Variants in XRCC4 observed in about 807,000 individuals in gnomAD.
The protein encoded by XRCC4 is DNA repair protein XRCC4.
XRCC4 carries 28 observed loss-of-function variants against 39.1 expected under a neutral mutation model. The observed-to-expected ratio is 0.72, with a 90% CI of 0.53 to 0.98. XRCC4 has a LOEUF of 0.98. XRCC4 is among the 50% of genes least tolerant of loss of function. XRCC4 has a pLI of 0.00. For missense variants in XRCC4, 350 were observed against 376.4 expected (o/e 0.93, Z 0.58); for synonymous variants, 123 against 126.4 (o/e 0.97, Z 0.18).
At chr5:83,315,696 G>T (rs1425963718) in intron 7 of XRCC4, among the ~76,000 whole-genome samples, 1 of 152,132 alleles carries the variant, frequency 6.6e-6, no homozygotes, top group African/African-American at 2.4e-5. Flanking sequence ...CCTGATTATA[G>T]CATGATTTAC....
At chr5:83,205,649 G>C (rs1751392057) in intron 6 of XRCC4, among the ~76,000 whole-genome samples, 1 of 152,018 alleles carries the variant, frequency 6.6e-6, no homozygotes, top group African/African-American at 2.4e-5. Flanking sequence ...TTATGTACTA[G>C]AAACTTTGCT....
At chr5:83,260,908 C>T (rs1303834383) in intron 7 of XRCC4, among the ~76,000 whole-genome samples, 2 of 151,978 alleles carry the variant, frequency 1.3e-5, no homozygotes, top group African/African-American at 4.8e-5. Context: ...ATGAAAACAC[C>T]TGTTAGATGT....
rs1467369626 is a variant in XRCC4, at chr5:83,318,480, T to TTAAGCTGA, written c.894-34645_894-34638dup. ...CCCATCGTCTCAGCCCAAAATCTCC[T>TTAAGCTGA]TAAGCTGATAAGCAACTTCAGCAAA... On this transcript the variant is annotated intron_variant, in intron 7 of 7. Coordinates refer to ENST00000396027, the MANE Select transcript of XRCC4 (RefSeq NM_003401.5). Among the ~76,000 whole-genome samples, 49 of 76,020 alleles carry TTAAGCTGA rather than the reference T, an allele frequency of 6.4e-4. 1 individual carries two copies. Among genetic ancestry groups the TTAAGCTGA allele is most frequent in the African/African-American group, 3.5e-3 (44 of 12,418 alleles). The allele number at this position is 76,020 out of a possible 152,430, so 49.9% of individuals were successfully genotyped here.
chr5:83,116,608 CTTTTTTTTTTTTTTTTTT>C (rs559079642), intron 3 of XRCC4, among the ~76,000 whole-genome samples: 2 of 103,196 alleles, frequency 1.9e-5, no homozygotes, highest in Non-Finnish European at 3.8e-5. Flanking sequence ...TTCTCTCTCT[CTTTTTTTTTTTTTTTTTT>C]TTTTTTTTTT....
intron 7 of XRCC4, among the ~76,000 whole-genome samples, chr5:83,313,401 C>T (rs781776949): frequency 8.6e-5 from 13 of 152,002 alleles, no homozygotes; most frequent in Non-Finnish European, 1.5e-4. Flanking sequence ...AAAAAAATCT[C>T]GTTGTATAGA....
intron 6 of XRCC4, among the ~76,000 whole-genome samples, chr5:83,215,764 G>A (rs1405412573): frequency 1.3e-5 from 2 of 152,098 alleles, no homozygotes; most frequent in East Asian, 3.9e-4. Flanking sequence ...GGACAATTGG[G>A]TATCGACTTG....
chr5:83,273,086 C>T (rs1754198977), intron 7 of XRCC4, among the ~76,000 whole-genome samples: 1 of 152,184 alleles, frequency 6.6e-6, no homozygotes, highest in Admixed American at 6.5e-5. Flanking sequence ...TCTCCAACAT[C>T]TATTGTTTCC....
chr5:83,116,185 T>A (rs1427736607), intron 3 of XRCC4, among the ~76,000 whole-genome samples: 1 of 152,214 alleles, frequency 6.6e-6, no homozygotes, highest in Non-Finnish European at 1.5e-5. Flanking sequence ...GAGTTTGTAA[T>A]CCTTTTCTTG....
intron 7 of XRCC4, among the ~76,000 whole-genome samples, chr5:83,273,754 C>CT (rs1754225977): frequency 6.6e-6 from 1 of 152,112 alleles, no homozygotes; most frequent in Non-Finnish European, 1.5e-5. Context: ...TCTGAGGCCT[C>CT]TGTTCTGTTG....
chr5:83,252,460 C>CT (rs879759890), intron 6 of XRCC4, among the ~76,000 whole-genome samples: 3,492 of 144,006 alleles, frequency 0.024, 118 homozygotes, highest in African/African-American at 0.083. Flanking sequence ...ATTTATCTTA[C>CT]TTTTTTTTTT....
intron 3 of XRCC4, among the ~76,000 whole-genome samples, chr5:83,170,355 A>G (rs6452531): frequency 2.0e-5 from 3 of 151,858 alleles, no homozygotes; most frequent in Non-Finnish European, 2.9e-5. Context: ...TGACATTTGG[A>G]TAAAACTGAG....
intron 6 of XRCC4, among the ~76,000 whole-genome samples, chr5:83,238,693 T>C (rs1018027653): frequency 6.6e-6 from 1 of 152,170 alleles, no homozygotes; most frequent in African/African-American, 2.4e-5. Flanking sequence ...TTTCTGATGA[T>C]GATGTTTGGT....
chr5:83,212,058 A>C (rs1367208937), intron 6 of XRCC4, among the ~76,000 whole-genome samples: 3 of 152,090 alleles, frequency 2.0e-5, no homozygotes, highest in Non-Finnish European at 4.4e-5. Context: ...GTTTATATCT[A>C]TATCTGTATC....
intron 7 of XRCC4, among the ~76,000 whole-genome samples, chr5:83,333,216 T>A (rs928239492): frequency 1.3e-5 from 2 of 152,194 alleles, no homozygotes; most frequent in African/African-American, 4.8e-5. Flanking sequence ...GTCCACTTCT[T>A]AAGACATCTT....
chr5:83,304,414 T>G (rs1580487757), intron 7 of XRCC4, among the ~76,000 whole-genome samples: 1 of 152,264 alleles, frequency 6.6e-6, no homozygotes, highest in East Asian at 1.9e-4. Flanking sequence ...TTTCTCTTTA[T>G]TTGCTCTCTT....
At chr5:83,151,313 G>GA (rs1483079054) in intron 3 of XRCC4, among the ~76,000 whole-genome samples, 2 of 152,084 alleles carry the variant, frequency 1.3e-5, no homozygotes, top group African/African-American at 4.8e-5. Context: ...ATAAGATGAA[G>GA]AACCAGAATG....
rs118062159 is a variant in XRCC4 at position 83,346,079 on chromosome 5, A to G, written c.894-7052A>G. 6.8e-4 allele frequency among the ~76,000 whole-genome samples: 103 copies of G among 152,274 alleles called. 2 individuals are homozygous for G. The East Asian group carries it at 0.02, about 29-fold the overall frequency. ...TTTTAGTGAGAGTATCATCTGGAGA[A>G]GTTTCATTATATTCTCTTTATTTGA... is the stretch of plus-strand genomic sequence containing the variant. On this transcript the variant is annotated intron_variant, in intron 7 of 7. Coordinates refer to ENST00000396027, the MANE Select transcript of XRCC4 (RefSeq NM_003401.5).
intron 3 of XRCC4, among the ~76,000 whole-genome samples, chr5:83,167,042 T>C (rs1210737449): frequency 1.3e-5 from 2 of 151,796 alleles, no homozygotes; most frequent in African/African-American, 4.8e-5. Flanking sequence ...CCACCATGCC[T>C]GGCTAATTTT....
At chr5:83,101,251 A>G (rs1745921440) in intron 1 of XRCC4, among the ~76,000 whole-genome samples, 1 of 151,930 alleles carries the variant, frequency 6.6e-6, no homozygotes. Flanking sequence ...TTATTTCTCT[A>G]GTTTTGTTTA....
Sources: allele counts gnomAD v4.1 joint callset (sites outside exome capture counted in the v4.1 genomes callset), GRCh38; gene constraint gnomAD v4.1.1; transcripts MANE v1.5; gene names NCBI Gene and HGNC (gene_info 2026-07-23, HGNC 2026-07-21).